Variants in BNC2 observed in about 807,000 individuals in gnomAD.
The protein encoded by BNC2 is basonuclin zinc finger protein 2, also known as zinc finger protein basonuclin-2.
A neutral mutation model predicts 76.3 loss-of-function variants in BNC2; 20 were observed. That is an observed-to-expected ratio of 0.26 (90% CI 0.18 to 0.38). The LOEUF is 0.38. Among genes scored for constraint, BNC2 ranks in the 10% least tolerant of loss-of-function variants. The pLI is 1.00. For synonymous variants in BNC2, 582 were observed against 514.8 expected (o/e 1.13, Z -1.77); for missense variants, 1,382 against 1,399.8 (o/e 0.99, Z 0.20).
intron 4 of BNC2, among the ~76,000 whole-genome samples, chr9:16,556,277 T>A (rs1336197061): frequency 1.3e-5 from 2 of 151,058 alleles, no homozygotes; most frequent in Non-Finnish European, 2.9e-5. Context: ...GGTAGAAGAG[T>A]AAGACCCTGT....
chr9:16,602,795 C>T (rs953220369), intron 3 of BNC2, among the ~76,000 whole-genome samples: 12 of 152,198 alleles, frequency 7.9e-5, no homozygotes, highest in Non-Finnish European at 1.5e-4. Flanking sequence ...ATGGCTTAGA[C>T]AGATGGGAAC....
chr9:16,687,633 G>A (rs1823017496), intron 3 of BNC2, among the ~76,000 whole-genome samples: 1 of 151,970 alleles, frequency 6.6e-6, no homozygotes, highest in African/African-American at 2.4e-5. Flanking sequence ...TCAATAAATG[G>A]GACTTAACTA....
chr9:16,488,651 G>A (rs1822213452), intron 5 of BNC2, among the ~76,000 whole-genome samples: 1 of 152,106 alleles, frequency 6.6e-6, no homozygotes. Flanking sequence ...TGTATTGACT[G>A]TAACTTCCTA....
At chr9:16,520,123 C>G (rs527813708) in intron 5 of BNC2, among the ~76,000 whole-genome samples, 2 of 152,320 alleles carry the variant, frequency 1.3e-5, no homozygotes, top group South Asian at 4.1e-4. Context: ...TAAATGCACA[C>G]GCACAGTAGT....
At position 16,682,853 on chromosome 9, in the gene BNC2, A is replaced by G. The variant is rs148825467; in HGVS notation, c.330+44944T>C. Among the ~76,000 whole-genome samples the G allele has an allele frequency of 3.8e-3, 579 of 152,350 alleles. 1 individual carries two copies. The highest frequency in any genetic ancestry group is 7.5e-3 in the Admixed American group (114 of 15,302). On this transcript the variant is annotated intron_variant, in intron 3 of 6. Coordinates refer to ENST00000380672, the MANE Select transcript of BNC2 (RefSeq NM_017637.6). Reference sequence around the variant, plus strand: ...ACAACTTAATACATGATGAGGCACAACTGAACTAACAAAGTAACTTTTCTC... The same window carrying G: ...ACAACTTAATACATGATGAGGCACAGCTGAACTAACAAAGTAACTTTTCTC...
chr9:16,572,058 C>T (rs1009814191), intron 4 of BNC2, among the ~76,000 whole-genome samples: 3 of 151,824 alleles, frequency 2.0e-5, no homozygotes, highest in Non-Finnish European at 4.4e-5. Flanking sequence ...GTGGAAAACA[C>T]GATTAGCCAA....
chr9:16,736,968 G>A (rs747508741), intron 2 of BNC2, among the ~76,000 whole-genome samples: 5 of 151,264 alleles, frequency 3.3e-5, no homozygotes, highest in Non-Finnish European at 4.4e-5. Flanking sequence ...CTCCATGCCC[G>A]GCTAATTTTG....
intron 1 of BNC2, among the ~76,000 whole-genome samples, chr9:16,833,016 G>A (rs550720451): frequency 3.1e-5 from 4 of 130,946 alleles, no homozygotes; most frequent in South Asian, 2.5e-4. Context: ...AAGCCCCCCC[G>A]CCCTACCCAA....
chr9:16,852,748 G>T (rs1819156798), intron 1 of BNC2, among the ~76,000 whole-genome samples: 1 of 152,112 alleles, frequency 6.6e-6, no homozygotes, highest in Non-Finnish European at 1.5e-5. Flanking sequence ...TTAAAGGACT[G>T]ACATTCCAGA....
intron 3 of BNC2, among the ~76,000 whole-genome samples, chr9:16,611,111 C>CA (rs1820533333): frequency 6.6e-6 from 1 of 152,034 alleles, no homozygotes; most frequent in Admixed American, 6.6e-5. Flanking sequence ...CTGTGATGTG[C>CA]AAAAAATGGT....
Position 16,849,953 on chromosome 9 carries a change from T to C in BNC2, c.3+20693A>G, listed in dbSNP as rs368596834. On this transcript the variant is annotated intron_variant, in intron 1 of 6. Transcript: ENST00000380672. ...CACAAACAGTGTTATGTGCACAAAT[T>C]TGTACTTCACTAGCTTTCTGATTTC... Among the ~76,000 whole-genome samples the C allele has an allele frequency of 4.7e-4, 71 of 152,250 alleles. 1 individual carries two copies. The highest frequency in any genetic ancestry group is 1.5e-3 in the African/African-American group (64 of 41,550).
chr9:16,756,367 T>C (rs1333068656), intron 1 of BNC2, among the ~76,000 whole-genome samples: 2 of 152,196 alleles, frequency 1.3e-5, no homozygotes, highest in Non-Finnish European at 2.9e-5. Context: ...CTTTCTAGTT[T>C]ATCTCCTAAC....
At chr9:16,442,142 A>T (rs1052169681) in intron 5 of BNC2, among the ~76,000 whole-genome samples, 2 of 152,224 alleles carry the variant, frequency 1.3e-5, no homozygotes, top group Non-Finnish European at 2.9e-5. Context: ...AATGAGGATA[A>T]TAAGATTTAC....
At chr9:16,784,697 T>C (rs1261221087) in intron 1 of BNC2, among the ~76,000 whole-genome samples, 1 of 152,178 alleles carries the variant, frequency 6.6e-6, no homozygotes, top group Non-Finnish European at 1.5e-5. Context: ...TAGAGTATCC[T>C]AGAGAAAGTC....
At position 16,413,153 on chromosome 9, in the gene BNC2, G is replaced by C. The variant is rs1563770360; in HGVS notation, c.*5836C>G. 1 of 152,342 alleles carries C rather than the reference G, an allele frequency of 6.6e-6. No homozygotes were observed. The allele number at this position is 152,342 out of a possible 1,614,324, so 9.4% of individuals were successfully genotyped here. On this transcript the variant is annotated 3_prime_UTR_variant, in exon 7 of 7. Transcript: ENST00000380672. Reference sequence around the variant, plus strand: ...TTGTAATGGTCCACTATTTGTTACAGACTGAGCCTTGGTCTTCATATCCTA... The same window carrying C: ...TTGTAATGGTCCACTATTTGTTACACACTGAGCCTTGGTCTTCATATCCTA...
At position 16,738,350 on chromosome 9, in the gene BNC2, AC is replaced by A. The variant is rs1432513194; in HGVS notation, c.129+9del. ...AGTAACTTAAAGGGGGAAAAAAAAA[AC>A]CAACATACCTCAATTTGAGATGTAT... is the stretch of plus-strand genomic sequence containing the variant. On this transcript the variant is annotated intron_variant, in intron 2 of 6. Transcript: ENST00000380672. The A allele has an allele frequency of 6.3e-7, 1 of 1,594,702 alleles. No homozygotes were observed. The highest frequency in any genetic ancestry group is 1.1e-5 in the South Asian group (1 of 89,110).
chr9:16,608,539 T>A (rs905454426), intron 3 of BNC2, among the ~76,000 whole-genome samples: 2 of 152,172 alleles, frequency 1.3e-5, no homozygotes. Flanking sequence ...TAGACTCTTG[T>A]TGTGTCACTC....
chr9:16,579,271 T>C (rs1197357513), intron 4 of BNC2, among the ~76,000 whole-genome samples: 2 of 145,956 alleles, frequency 1.4e-5, no homozygotes, highest in African/African-American at 2.8e-5. Flanking sequence ...AATTAATCAC[T>C]CTTTAATTTA....
At chr9:16,517,162 T>TTA (rs1280312332) in intron 5 of BNC2, among the ~76,000 whole-genome samples, 1 of 152,192 alleles carries the variant, frequency 6.6e-6, no homozygotes, top group Non-Finnish European at 1.5e-5. Context: ...TGAGGGTTAT[T>TTA]TACTGTTGTG....
Sources: allele counts gnomAD v4.1 joint callset (sites outside exome capture counted in the v4.1 genomes callset), GRCh38; gene constraint gnomAD v4.1.1; transcripts MANE v1.5; gene names NCBI Gene and HGNC (gene_info 2026-07-23, HGNC 2026-07-21).